The following ALOX15 variants were observed in gnomAD, a reference collection of about 807,000 sequenced individuals.
ALOX15 encodes polyunsaturated fatty acid lipoxygenase ALOX15.
Under a neutral mutation model 71.7 loss-of-function variants are expected in ALOX15, and 68 were observed. That is an observed-to-expected ratio of 0.95 (90% CI 0.78 to 1.16). The LOEUF (loss-of-function observed/expected upper bound fraction) is 1.16, where lower values mean the gene tolerates loss of function less well. Ranked by LOEUF, ALOX15 falls within the 50% of genes most tolerant of loss-of-function variation. The probability of loss-of-function intolerance (pLI) is 0.00; values close to 1 mark genes in which losing one functional copy is unlikely to be tolerated. For synonymous variants in ALOX15, 346 were observed against 333.3 expected, an observed-to-expected ratio of 1.04 and a Z score of -0.42; for missense variants, 798 against 818.8, an observed-to-expected ratio of 0.97 and a Z score of 0.31.
At position 4,634,289 on chromosome 17, in the gene ALOX15, G is replaced by T. The variant is rs11568119; in HGVS notation, c.1162-789C>A. 4.0e-3 allele frequency among the ~76,000 whole-genome samples: 606 copies of T among 152,232 alleles called. 6 individuals carry two copies. Among genetic ancestry groups the T allele is most frequent in the African/African-American group, 0.014 (576 of 41,546 alleles). ...ACTTAGTGCTTTATGATAATTGAAA[G>T]AAATCATTCTTTGTTGTTGTTGTTT... On this transcript the variant is annotated intron_variant, in intron 8 of 13. Transcript: ENST00000293761.
At chr17:4,636,493 T>G (rs1447285224) in intron 7 of ALOX15, among the ~76,000 whole-genome samples, 1 of 152,140 alleles carries the variant, frequency 6.6e-6, no homozygotes, top group Non-Finnish European at 1.5e-5. Context: ...GATCTCCCTC[T>G]GCACTCGCAT....
chr17:4,638,978 G>C lies in ALOX15; in HGVS notation c.420-6C>G. On this transcript the variant is annotated splice_region_variant and splice_polypyrimidine_tract_variant and intron_variant, in intron 3 of 13. Coordinates refer to ENST00000293761, the MANE Select transcript of ALOX15 (RefSeq NM_001140.5). ...CGTCCTTCCAGTTTCCCCACCTGTGGGGCAGGAAGGAAATCAAGTATGGGT... is the reference window on the plus strand; with the variant it reads ...CGTCCTTCCAGTTTCCCCACCTGTGCGGCAGGAAGGAAATCAAGTATGGGT... 6.2e-7 allele frequency: 1 copy of C among 1,614,178 alleles called. No homozygotes were observed. Among genetic ancestry groups the C allele is most frequent in the Non-Finnish European group, 8.5e-7 (1 of 1,180,038 alleles).
chr17:4,641,632 C>A lies in ALOX15; in HGVS notation c.20G>T (p.Arg7Leu), dbSNP rs753102659. The change falls in exon 1 of 14, where the codon CGC becomes CTC. Residue 7 changes from arginine (R) to leucine (L), a missense_variant. Arg to Leu is a moderately radical substitution (Grantham distance 102). Coordinates refer to ENST00000293761, the MANE Select transcript of ALOX15 (RefSeq NM_001140.5). ...ATAGAGCGAGGCCCCAGTGGACACG[C>A]GGATGCGGTAGAGACCCATCTTGCT... is the stretch of plus-strand genomic sequence containing the variant. MGLYRI[R>L]VSTGASLYAG... The A allele has an allele frequency of 1.2e-6, 2 of 1,613,492 alleles. No homozygotes were observed. The highest frequency in any genetic ancestry group is 2.7e-5 in the African/African-American group (2 of 74,854).
At position 4,635,749 on chromosome 17, in the gene ALOX15, A is replaced by G. The variant is rs1911073341; in HGVS notation, c.1161+10T>C. On this transcript the variant is annotated intron_variant, in intron 8 of 13. Transcript: ENST00000293761. ...AGTGGCAGGCAAGAGAGAAGGGGATAAGGAGTTACCTTGAAGATAGGATGT... is the reference window on the plus strand; with the variant it reads ...AGTGGCAGGCAAGAGAGAAGGGGATGAGGAGTTACCTTGAAGATAGGATGT... 1.9e-6 allele frequency: 3 copies of G among 1,613,950 alleles called. No homozygotes were observed. The East Asian group carries it at 6.7e-5, about 36-fold the overall frequency.
At position 4,632,003 on chromosome 17, in the gene ALOX15, C is replaced by T. The variant is rs147458306; in HGVS notation, c.1695G>A (p.Pro565=). The change falls in exon 13 of 14, where the codon CCG becomes CCA. Residue 565 remains proline, a synonymous_variant. Coordinates refer to ENST00000293761, the MANE Select transcript of ALOX15 (RefSeq NM_001140.5). ...PNAPCTMRLP[P]PTTKDATLET... is the part of the protein sequence containing the mutation. ...CCAGCGTTGCATCCTTGGTGGTTGG[C>T]GGGGGCAGCCGCATCGTGCAGGGTG... The T allele has an allele frequency of 4.2e-4, 678 of 1,613,680 alleles. 3 individuals carry two copies. In the African/African-American group the frequency reaches 7.2e-3, roughly 17 times the overall value.
chr17:4,635,303 G>A (rs1205309844), intron 8 of ALOX15, among the ~76,000 whole-genome samples: 3 of 151,190 alleles, frequency 2.0e-5, no homozygotes, highest in Non-Finnish European at 4.4e-5. Flanking sequence ...GCCTGGTGGT[G>A]CGCGACTGTA....
rs1325062930 is a variant in ALOX15, at chr17:4,639,621, A to C, written c.146T>G (p.Leu49Arg). 1 of 1,612,082 alleles carries C rather than the reference A, an allele frequency of 6.2e-7. No individual in the cohort carries two copies. The highest frequency in any genetic ancestry group is 2.2e-5 in the East Asian group (1 of 44,750). ...LWPARGKETE[L>R]KVEVPEYLGP... The stretch of plus-strand genomic sequence containing the variant: ...CAGATACTCCGGTACTTCCACCTTG[A>C]GTTCTGTCTCCTGCGGGCGACAGAA... The change falls in exon 2 of 14, where the codon CTC becomes CGC. Residue 49 changes from leucine (L) to arginine (R), a missense_variant. Transcript: ENST00000293761.
chr17:4,638,921 T>C lies in ALOX15; in HGVS notation c.471A>G (p.Leu157=), dbSNP rs762581638. 2.5e-6 allele frequency: 4 copies of C among 1,614,174 alleles called. No individual in the cohort carries two copies. The highest frequency in any genetic ancestry group is 2.5e-6 in the Non-Finnish European group (3 of 1,180,026). ...ATCGCTCATCCACAGGGAGGTCATA[T>C]AGTTTGGCCCCAGCCATATTCAGAA... is the stretch of plus-strand genomic sequence containing the variant. The part of the protein sequence containing the change: ...GLILNMAGAK[L]YDLPVDERFL... The change falls in exon 4 of 14, where the codon CTA becomes CTG. Residue 157 remains leucine, a synonymous_variant. Coordinates refer to ENST00000293761, the MANE Select transcript of ALOX15 (RefSeq NM_001140.5).
At chr17:4,633,675 T>C (rs1025935480) in intron 8 of ALOX15, among the ~76,000 whole-genome samples, 175 bp from the exon 9 acceptor site, 8 of 152,138 alleles carry the variant, frequency 5.3e-5, no homozygotes, top group African/African-American at 1.9e-4. Flanking sequence ...GCAATCCCAT[T>C]ACTGGATATA....
chr17:4,633,611 C>T (rs940599742), intron 8 of ALOX15, 111 bp from the exon 9 acceptor site: 3 of 892,846 alleles, frequency 3.4e-6, no homozygotes, highest in East Asian at 5.0e-5. Context: ...AAAGCACAGA[C>T]GTAAAGTTCA....
chr17:4,639,254 TC>T (rs1460117339), intron 2 of ALOX15, 122 bp from the exon 3 acceptor site: 2 of 1,370,150 alleles, frequency 1.5e-6, no homozygotes. Context: ...ATCACGCCCC[TC>T]CCCCAGGCTC....
chr17:4,637,320 T>A (rs1445608998), intron 6 of ALOX15, 62 bp from the exon 7 acceptor site: 47 of 1,542,524 alleles, frequency 3.0e-5, no homozygotes, highest in Non-Finnish European at 3.8e-5. Flanking sequence ...CTACTCGGAT[T>A]CCTCCAAGGG....
chr17:4,639,635 C>T lies in ALOX15; in HGVS notation c.136-4G>A, dbSNP rs1050033581. ...CTTCCACCTTGAGTTCTGTCTCCTG[C>T]GGGCGACAGAAGAGGCTCAGCCCCG... On this transcript the variant is annotated splice_region_variant and splice_polypyrimidine_tract_variant and intron_variant, in intron 1 of 13. Coordinates refer to ENST00000293761, the MANE Select transcript of ALOX15 (RefSeq NM_001140.5). 6.2e-7 allele frequency: 1 copy of T among 1,607,652 alleles called. No individual in the cohort carries two copies. Among genetic ancestry groups the T allele is most frequent in the Non-Finnish European group, 8.5e-7 (1 of 1,177,066 alleles).
In ALOX15 at chr17:4,633,575, G is replaced by A; in HGVS notation, c.1162-75C>T. ...TCCCTGCAGGAAACAAGGGCTGACA[G>A]CAGGAAAGGCACCAGGTCTTCAGAA... On this transcript the variant is annotated intron_variant, in intron 8 of 13. Coordinates refer to ENST00000293761, the MANE Select transcript of ALOX15 (RefSeq NM_001140.5). 2.4e-6 allele frequency: 3 copies of A among 1,255,474 alleles called. No homozygotes were observed. The South Asian group carries it at 3.7e-5, about 15-fold the overall frequency. The allele number at this position is 1,255,474 out of a possible 1,614,324, so 77.8% of individuals were successfully genotyped here. A position where few individuals can be genotyped will look rare whatever the true frequency, so the allele number is the denominator to read the frequency against.
intron 1 of ALOX15, among the ~76,000 whole-genome samples, chr17:4,640,670 A>C (rs1346089704): frequency 6.8e-6 from 1 of 148,144 alleles, no homozygotes; most frequent in Non-Finnish European, 1.5e-5. Context: ...CTTTCTCGGA[A>C]GCTCGGAGCA....
intron 1 of ALOX15, 103 bp from the exon 2 acceptor site, chr17:4,639,734 G>C: frequency 8.6e-7 from 1 of 1,158,728 alleles, no homozygotes; most frequent in Non-Finnish European, 1.2e-6. Context: ...CGGAGCCTCT[G>C]AGAGGAGGAG....
In ALOX15 at chr17:4,631,651, C is replaced by A. The variant is rs1910901209; in HGVS notation, c.1938G>T (p.Met646Ile). 2.5e-6 allele frequency: 4 copies of A among 1,613,966 alleles called. No individual in the cohort carries two copies. The highest frequency in any genetic ancestry group is 3.4e-6 in the Non-Finnish European group (4 of 1,180,044). The stretch of plus-strand genomic sequence containing the variant: ...CGCTGGGCCGCAGGTACTCGTAGGG[C>A]ATGTCCAGCTTTGCATTCCGGATCT... ...EIEIRNAKLDMPYEYLRPSVV... is the reference protein window; with the variant it reads ...EIEIRNAKLDIPYEYLRPSVV... Residue 646 changes from methionine to isoleucine, a missense_variant, in exon 14 of 14, where the codon ATG (methionine) becomes ATT (isoleucine). Around this residue, in one of 3 missense-constraint regions of ALOX15, gnomAD observed 490 missense variants for 509.4 expected, o/e 0.96. Coordinates refer to ENST00000293761, the MANE Select transcript of ALOX15 (RefSeq NM_001140.5).
Position 4,633,476 on chromosome 17 carries a change from T to G in ALOX15, c.1186A>C (p.Thr396Pro). The G allele has an allele frequency of 6.2e-7, 1 of 1,614,034 alleles. No individual in the cohort carries two copies. The highest frequency in any genetic ancestry group is 8.5e-7 in the Non-Finnish European group (1 of 1,179,992). Residue 396 changes from threonine to proline, a missense_variant, in exon 9 of 14, where the codon ACC becomes CCC. Physicochemically the swap from Thr to Pro is conservative, Grantham distance 38 (BLOSUM62 -1). Coordinates refer to ENST00000293761, the MANE Select transcript of ALOX15 (RefSeq NM_001140.5). Reference protein sequence around the residue: ...FKLIIPHLRYTLEINVRARTG... With the variant: ...FKLIIPHLRYPLEINVRARTG... ...CTGGCCCGGACGTTAATTTCCAGGG[T>G]GTATCGCAGGTGGGGAATTATAAGC...
chr17:4,638,972 C>T lies in ALOX15; in HGVS notation c.420G>A (p.Arg140=), dbSNP rs1284104419. The T allele has an allele frequency of 5.6e-6, 9 of 1,614,224 alleles. No homozygotes were observed. The highest frequency in any genetic ancestry group is 7.6e-6 in the Non-Finnish European group (9 of 1,180,032). Residue 140 remains arginine (R), a splice_region_variant and synonymous_variant, in exon 4 of 14, where the codon CGG becomes CGA. Coordinates refer to ENST00000293761, the MANE Select transcript of ALOX15 (RefSeq NM_001140.5). ...TTAACCCGTCCTTCCAGTTTCCCCA[C>T]CTGTGGGGCAGGAAGGAAATCAAGT... is the stretch of plus-strand genomic sequence containing the variant. ...EELEERRKLY[R]WGNWKDGLIL... is the part of the protein sequence containing the mutation.
Sources: allele counts gnomAD v4.1 joint callset (sites outside exome capture counted in the v4.1 genomes callset), GRCh38; gene constraint gnomAD v4.1.1; regional missense constraint gnomAD v4.1.1; transcripts MANE v1.5; gene names NCBI Gene and HGNC (gene_info 2026-07-23, HGNC 2026-07-21).